REC114: variants seen among roughly 807,000 people sequenced by gnomAD.
The protein encoded by REC114 is meiotic recombination protein REC114.
A neutral mutation model predicts 31.3 loss-of-function variants in REC114; 27 were observed. The ratio of observed to expected loss-of-function variants is 0.86; its 90% CI spans 0.64 to 1.19. The LOEUF (loss-of-function observed/expected upper bound fraction) is 1.19, where lower values mean the gene tolerates loss of function less well. Ranked by LOEUF, REC114 falls within the 50% of genes most tolerant of loss-of-function variation. REC114 has a pLI of 0.00. For synonymous variants in REC114, 134 were observed against 127.7 expected, an observed-to-expected ratio of 1.05 and a Z score of -0.33; for missense variants, 344 against 326.9, an observed-to-expected ratio of 1.05 and a Z score of -0.40.
chr15:73,527,147 C>A lies in REC114; in HGVS notation c.250-13338C>A, dbSNP rs137966554. On this transcript the variant is annotated intron_variant, in intron 2 of 5. Transcript: ENST00000331090. ...TTTTCTACTGAATGTCCTGTGTATT[C>A]AATGAAGTCTCTCTACTCTAGCTAG... 3.0e-3 allele frequency among the ~76,000 whole-genome samples: 451 copies of A among 152,262 alleles called. 1 individual carries two copies. The highest frequency in any genetic ancestry group is 0.014 in the South Asian group (67 of 4,826).
chr15:73,470,553 G>A (rs1282874274), intron 1 of REC114, among the ~76,000 whole-genome samples: 1 of 152,060 alleles, frequency 6.6e-6, no homozygotes, highest in African/African-American at 2.4e-5. Flanking sequence ...ACAAAATATT[G>A]GGTGTCTATT....
intron 2 of REC114, among the ~76,000 whole-genome samples, chr15:73,503,975 T>G (rs182539054): frequency 6.6e-6 from 1 of 151,292 alleles, no homozygotes. Flanking sequence ...TGCTTTTATA[T>G]CTTAGAAATT....
intron 2 of REC114, among the ~76,000 whole-genome samples, chr15:73,507,701 T>C (rs1336828473): frequency 6.6e-6 from 1 of 152,210 alleles, no homozygotes; most frequent in Non-Finnish European, 1.5e-5. Context: ...ATATGTATTT[T>C]TAATGTTAAA....
At chr15:73,540,701 A>G (rs1249350200) in intron 3 of REC114, 133 bp downstream of exon 3, 6 of 784,172 alleles carry the variant, frequency 7.7e-6, no homozygotes, top group Non-Finnish European at 1.1e-5. Context: ...TTGTACTATG[A>G]GAAAAACATG....
At chr15:73,526,173 A>T (rs1045247286) in intron 2 of REC114, among the ~76,000 whole-genome samples, 2 of 152,146 alleles carry the variant, frequency 1.3e-5, no homozygotes, top group Non-Finnish European at 2.9e-5. Context: ...TAGAGTTTAA[A>T]TGCTATATCT....
Position 73,443,272 on chromosome 15 carries a change from C to T in REC114, c.87C>T (p.Cys29=). The change falls in exon 1 of 6, where the codon TGC becomes TGT. Residue 29 remains cysteine, a synonymous_variant. Coordinates refer to ENST00000331090, the MANE Select transcript of REC114 (RefSeq NM_001042367.2). ...GGCCTCTGCAGCGGTACGCCCGCTG[C>T]ATACCCTCAAACACCAGAGACCCAC... ...AEWPLQRYAR[C]IPSNTRDPPG... is the part of the protein sequence containing the mutation. 1.9e-6 allele frequency: 3 copies of T among 1,579,442 alleles called. No individual in the cohort carries two copies. Among genetic ancestry groups the T allele is most frequent in the Non-Finnish European group, 2.6e-6 (3 of 1,163,762 alleles).
intron 2 of REC114, among the ~76,000 whole-genome samples, chr15:73,539,908 T>G (rs530345594): frequency 6.6e-6 from 1 of 152,328 alleles, no homozygotes; most frequent in African/African-American, 2.4e-5. Flanking sequence ...TTTCACTTTA[T>G]GGATCCAACT....
At chr15:73,463,078 A>G (rs185950992) in intron 1 of REC114, among the ~76,000 whole-genome samples, 2 of 152,324 alleles carry the variant, frequency 1.3e-5, no homozygotes, top group Admixed American at 1.3e-4. Flanking sequence ...CCCAAAATTA[A>G]CAATTTCATA....
intron 1 of REC114, among the ~76,000 whole-genome samples, chr15:73,463,821 A>G (rs1232804045): frequency 6.6e-6 from 1 of 152,162 alleles, no homozygotes; most frequent in Non-Finnish European, 1.5e-5. Flanking sequence ...GAAAAAAAAA[A>G]AAGAGTTGGT....
chr15:73,555,357 C>T (rs1429039511), intron 4 of REC114, among the ~76,000 whole-genome samples: 1 of 152,170 alleles, frequency 6.6e-6, no homozygotes, highest in African/African-American at 2.4e-5. Flanking sequence ...TTGGGGCCTG[C>T]AGACATGTGG....
chr15:73,506,388 C>T (rs370874709), intron 2 of REC114, among the ~76,000 whole-genome samples: 5 of 152,182 alleles, frequency 3.3e-5, no homozygotes, highest in African/African-American at 1.2e-4. Context: ...TTATACCTAA[C>T]TCAGCTGGTT....
intron 2 of REC114, among the ~76,000 whole-genome samples, chr15:73,491,089 A>G (rs1893434796): frequency 1.8e-5 from 2 of 109,830 alleles, no homozygotes; most frequent in African/African-American, 6.4e-5. Flanking sequence ...TTGCTCATCT[A>G]TTAACCTGTT....
At chr15:73,547,683 C>T (rs993590846) in intron 3 of REC114, among the ~76,000 whole-genome samples, 1 of 152,148 alleles carries the variant, frequency 6.6e-6, no homozygotes, top group Non-Finnish European at 1.5e-5. Flanking sequence ...AAATGTGGTA[C>T]TTATACACAA....
At chr15:73,537,914 TG>T (rs1342218375) in intron 2 of REC114, among the ~76,000 whole-genome samples, 1 of 152,200 alleles carries the variant, frequency 6.6e-6, no homozygotes, top group Non-Finnish European at 1.5e-5. Flanking sequence ...GAATATACAT[TG>T]TTATGTTCTC....
chr15:73,454,959 A>G (rs1892896751), intron 1 of REC114, among the ~76,000 whole-genome samples: 1 of 152,196 alleles, frequency 6.6e-6, no homozygotes, highest in South Asian at 2.1e-4. Flanking sequence ...CAGTGCTTTT[A>G]ACAGTTTTCA....
chr15:73,498,364 G>GGT (rs150805069), intron 2 of REC114, among the ~76,000 whole-genome samples: 20 of 151,560 alleles, frequency 1.3e-4, no homozygotes, highest in East Asian at 7.7e-4. Context: ...TTAAGGTAGG[G>GGT]GTGTGTGTGT....
intron 2 of REC114, among the ~76,000 whole-genome samples, chr15:73,502,938 T>G (rs1350453644): frequency 6.6e-6 from 1 of 152,214 alleles, no homozygotes; most frequent in South Asian, 2.1e-4. Context: ...TTGCATTGAT[T>G]AGCGAAATAC....
intron 2 of REC114, among the ~76,000 whole-genome samples, chr15:73,482,021 C>A (rs965689234): frequency 3.3e-5 from 5 of 152,130 alleles, no homozygotes; most frequent in Non-Finnish European, 7.3e-5. Flanking sequence ...CATTGTGCCA[C>A]CAGCAGCACC....
intron 5 of REC114, among the ~76,000 whole-genome samples, chr15:73,558,695 T>C (rs1464507138): frequency 6.6e-6 from 1 of 150,644 alleles, no homozygotes; most frequent in African/African-American, 2.4e-5. Flanking sequence ...ACTACAACTC[T>C]CATCTACACT....
Sources: allele counts gnomAD v4.1 joint callset (sites outside exome capture counted in the v4.1 genomes callset), GRCh38; gene constraint gnomAD v4.1.1; transcripts MANE v1.5; gene names NCBI Gene and HGNC (gene_info 2026-07-23, HGNC 2026-07-21).